The following NKAIN4 variants were observed in gnomAD, a reference collection of about 807,000 sequenced individuals.
NKAIN4 encodes the protein sodium/potassium transporting ATPase interacting 4.
NKAIN4 carries 28 observed loss-of-function variants against 28.8 expected under a neutral mutation model. That is an observed-to-expected ratio of 0.97 (90% CI 0.72 to 1.33). The LOEUF is 1.33. Ranked by LOEUF, NKAIN4 falls within the 40% of genes most tolerant of loss-of-function variation. NKAIN4 has a pLI of 0.00. For missense variants in NKAIN4, 289 were observed against 277.2 expected (o/e 1.04, Z -0.30); for synonymous variants, 122 against 115.6 (o/e 1.06, Z -0.36).
At chr20:63,246,127 AC>A (rs1292683384) in intron 4 of NKAIN4, among the ~76,000 whole-genome samples, 29 of 152,154 alleles carry the variant, frequency 1.9e-4, no homozygotes, top group African/African-American at 5.5e-4. Context: ...ACAGGGTTTC[AC>A]CGTGTTAGCC....
At position 63,245,634 on chromosome 20, in the gene NKAIN4, C is replaced by T. The variant is rs189300123; in HGVS notation, c.472-1550G>A. ...ACCCCCAGAGCCTGGCCTTGTCAGACGACTCTCTTGCCACCACCATTTCCA... is the reference window on the plus strand; with the variant it reads ...ACCCCCAGAGCCTGGCCTTGTCAGATGACTCTCTTGCCACCACCATTTCCA... On this transcript the variant is annotated intron_variant, in intron 4 of 6. Coordinates refer to ENST00000370316, the MANE Select transcript of NKAIN4 (RefSeq NM_152864.4). This position sits in a 1 kb window ranked among gnomAD's most constrained non-coding sequence, Gnocchi z 4.7. Among the ~76,000 whole-genome samples the T allele has an allele frequency of 1.3e-4, 20 of 152,248 alleles. No homozygotes were observed. The East Asian group carries it at 3.7e-3, about 28-fold the overall frequency.
In NKAIN4 at chr20:63,247,862, C is replaced by A. The variant is rs1023250453; in HGVS notation, c.274-87G>T. The A allele has an allele frequency of 4.3e-6, 6 of 1,395,374 alleles. No individual in the cohort carries two copies. In the African/African-American group the frequency reaches 7.3e-5, roughly 17 times the overall value. 86.4% of individuals were successfully genotyped at this position (1,395,374 alleles called of 1,614,324 possible). On this transcript the variant is annotated intron_variant, in intron 3 of 6. Coordinates refer to ENST00000370316, the MANE Select transcript of NKAIN4 (RefSeq NM_152864.4). ...GCAGCCTGCGGGGACGCCACCACACCGAGGCAAGGGGAGGTCCTGTCCTCT... is the reference window on the plus strand; with the variant it reads ...GCAGCCTGCGGGGACGCCACCACACAGAGGCAAGGGGAGGTCCTGTCCTCT...
chr20:63,244,154 G>A (rs1427613505), intron 4 of NKAIN4, 70 bp from the exon 5 acceptor site: 31 of 1,420,124 alleles, frequency 2.2e-5, no homozygotes, highest in Non-Finnish European at 3.0e-5. Flanking sequence ...GAGGCGATGT[G>A]GGCCGAAGCA....
rs2066838083 is a variant in NKAIN4, at chr20:63,245,412, CAT to C, written c.472-1330_472-1329del. 6.6e-6 allele frequency among the ~76,000 whole-genome samples: 1 copy of C among 152,096 alleles called. No homozygotes were observed. The highest frequency in any genetic ancestry group is 2.4e-5 in the African/African-American group (1 of 41,398). On this transcript the variant is annotated intron_variant, in intron 4 of 6. Transcript: ENST00000370316. The surrounding 1 kb of genome is among the most constrained non-coding windows in gnomAD (Gnocchi z 4.7). ...GAACAGGCAGCCGAGCTTGGGGAGCCATTGGAAGATGCCCCTTCCAGCCGGTG... is the reference window on the plus strand; with the variant it reads ...GAACAGGCAGCCGAGCTTGGGGAGCCTGGAAGATGCCCCTTCCAGCCGGTG...
chr20:63,248,611 C>G, intron 3 of NKAIN4: 1 of 544,436 alleles, frequency 1.8e-6, no homozygotes, highest in East Asian at 3.1e-5. Context: ...CTTTCTTTCA[C>G]CAATCAAATC....
upstream of NKAIN4, chr20:63,254,569 C>T (rs1188403132): frequency 2.8e-6 from 2 of 707,702 alleles, no homozygotes; most frequent in Non-Finnish European, 3.9e-6. Context: ...TTCCCCCCTC[C>T]TCCCCGCAAC....
rs2067016423 is a variant in NKAIN4 at position 63,254,454 on chromosome 20, G to A, written c.-4C>T. 2.2e-6 allele frequency: 3 copies of A among 1,375,340 alleles called. No homozygotes were observed. Among genetic ancestry groups the A allele is most frequent in the South Asian group, 3.3e-5 (2 of 59,988 alleles). The allele number at this position is 1,375,340 out of a possible 1,614,324, so 85.2% of individuals were successfully genotyped here. ...AGCGGCCGGAGCAGGAGCCCATGGT[G>A]CCCGCCTATACAGGAGGCCCCCGGG... On this transcript the variant is annotated 5_prime_UTR_variant, in exon 1 of 7. Transcript: ENST00000370316.
At chr20:63,247,426 T>C in intron 4 of NKAIN4, 152 bp downstream of exon 4, 1 of 1,540,136 alleles carries the variant, frequency 6.5e-7, no homozygotes, top group Non-Finnish European at 8.7e-7. Flanking sequence ...CCGTGATACC[T>C]TAACCTCTCC....
rs1204091544 is a variant in NKAIN4, at chr20:63,245,781, A to T, written c.472-1697T>A. Among the ~76,000 whole-genome samples the T allele has an allele frequency of 6.6e-6, 1 of 151,970 alleles. No homozygotes were observed. The highest frequency in any genetic ancestry group is 2.4e-5 in the African/African-American group (1 of 41,362). ...GGCTGGAATTTAGAAACTACATCCTATCAAAGAAATTCCCATCCCTGGGAG... is the reference window on the plus strand; with the variant it reads ...GGCTGGAATTTAGAAACTACATCCTTTCAAAGAAATTCCCATCCCTGGGAG... On this transcript the variant is annotated intron_variant, in intron 4 of 6. Coordinates refer to ENST00000370316, the MANE Select transcript of NKAIN4 (RefSeq NM_152864.4). This position sits in a 1 kb window ranked among gnomAD's most constrained non-coding sequence, Gnocchi z 4.7.
At chr20:63,253,030 T>C (rs1451797091) in intron 1 of NKAIN4, among the ~76,000 whole-genome samples, 4 of 152,138 alleles carry the variant, frequency 2.6e-5, no homozygotes, top group Non-Finnish European at 4.4e-5. Flanking sequence ...TTCCTGACGC[T>C]CATGCATCAC....
intron 6 of NKAIN4, among the ~76,000 whole-genome samples, chr20:63,242,070 G>A (rs1005005383): frequency 6.6e-6 from 1 of 152,136 alleles, no homozygotes; most frequent in African/African-American, 2.4e-5. Flanking sequence ...AGGAGGCCAG[G>A]TGGGAGCCCT....
chr20:63,243,821 C>T, intron 5 of NKAIN4: 2 of 522,354 alleles, frequency 3.8e-6, no homozygotes, highest in Admixed American at 3.3e-5. Context: ...CCCCTGGAGC[C>T]CCCAGGCTAG....
Position 63,252,365 on chromosome 20 carries a change from A to G in NKAIN4, c.54+2032T>C, listed in dbSNP as rs967918842. 2.0e-5 allele frequency among the ~76,000 whole-genome samples: 3 copies of G among 152,134 alleles called. No homozygotes were observed. Among genetic ancestry groups the G allele is most frequent in the Admixed American group, 6.5e-5 (1 of 15,278 alleles). ...ACGCAGCACAGCCCGGCTCAGAGCC[A>G]GCAAAGTTCACACTGTTCTTTGGGG... On this transcript the variant is annotated intron_variant, in intron 1 of 6. Transcript: ENST00000370316. The surrounding 1 kb of genome is among the most constrained non-coding windows in gnomAD (Gnocchi z 4.6).
At chr20:63,254,493 G>A, upstream of NKAIN4, 1 of 1,255,834 alleles carries the variant, frequency 8.0e-7, no homozygotes, top group South Asian at 2.4e-5. Context: ...CCCGCGCTCG[G>A]CCCCCGCCCC....
chr20:63,243,927 G>T (rs1413180619), intron 5 of NKAIN4, 97 bp downstream of exon 5: 4 of 1,004,640 alleles, frequency 4.0e-6, no homozygotes, highest in Non-Finnish European at 6.1e-6. Context: ...CCTTCCAAGT[G>T]GGGAGGTCTC....
rs552380729 is a variant in NKAIN4, at chr20:63,242,435, G to A, written c.617+104C>T. 50 of 783,610 alleles carry A rather than the reference G, an allele frequency of 6.4e-5. 1 individual carries two copies. Among genetic ancestry groups the A allele is most frequent in the South Asian group, 5.0e-4 (36 of 71,754 alleles). The allele number at this position is 783,610 out of a possible 1,614,324, so 48.5% of individuals were successfully genotyped here. A position where few individuals can be genotyped will look rare whatever the true frequency, so the allele number is the denominator to read the frequency against. On this transcript the variant is annotated intron_variant, in intron 6 of 6. Transcript: ENST00000370316. ...TGGATGGACGGATGGATGGCAGAAC[G>A]GACAGGCAGGTGCCTGGTGAGGCCC...
At position 63,248,878 on chromosome 20, in the gene NKAIN4, G is replaced by A. The variant is rs372437635; in HGVS notation, c.210C>T (p.Ala70=). The A allele has an allele frequency of 1.2e-5, 19 of 1,612,506 alleles. No individual in the cohort carries two copies. The highest frequency in any genetic ancestry group is 6.7e-5 in the African/African-American group (5 of 75,020). ...RYVMVYTLWA[A]VWVTWNVFII... ...TGAAGACGTTCCAGGTGACCCAGAC[G>A]GCTGCCCACAGCGTGTACTAGGGAG... Residue 70 remains alanine, a synonymous_variant, in exon 3 of 7, where the codon GCC becomes GCT. Transcript: ENST00000370316.
At chr20:63,248,965 CG>C in intron 2 of NKAIN4, 70 bp from the exon 3 acceptor site, 1 of 1,054,354 alleles carries the variant, frequency 9.5e-7, no homozygotes, top group Non-Finnish European at 1.5e-6. Flanking sequence ...ATCCAGCCCC[CG>C]GGGGAAGGGG....
intron 6 of NKAIN4, chr20:63,241,848 G>C: frequency 2.2e-6 from 1 of 447,446 alleles, no homozygotes; most frequent in Non-Finnish European, 4.3e-6. Context: ...TTATTCCCCT[G>C]TTCTCTGACA....
Sources: gnomAD v4.1 joint callset for allele counts (sites outside exome capture counted in the v4.1 genomes callset) on GRCh38, gnomAD v4.1.1 for gene constraint, Gnocchi (gnomAD v3.1) non-coding constraint, MANE v1.5 for transcripts, NCBI Gene and HGNC (gene_info 2026-07-23, HGNC 2026-07-21) for gene names.